Variants in C16orf74 observed in about 807,000 individuals in gnomAD.
The protein encoded by C16orf74 is calcimembrin, also known as uncharacterized protein C16orf74.
In C16orf74, 10 loss-of-function variants were observed where a neutral mutation model predicts 6.5. That is an observed-to-expected ratio of 1.54 (90% CI 0.95 to 2.61). C16orf74 has a LOEUF of 2.61. Among genes scored for constraint, C16orf74 ranks in the 30% most tolerant of loss-of-function variants. The pLI, the probability that C16orf74 is intolerant of heterozygous loss-of-function variation, is 0.00. For missense variants in C16orf74, 141 were observed against 105.9 expected, an observed-to-expected ratio of 1.33 and a Z score of -1.45; for synonymous variants, 60 against 42.5, an observed-to-expected ratio of 1.41 and a Z score of -1.60.
intron 1 of C16orf74, among the ~76,000 whole-genome samples, chr16:85,746,406 G>A (rs1047308271): frequency 2.6e-5 from 4 of 152,162 alleles, no homozygotes; most frequent in African/African-American, 7.2e-5. Context: ...TTATCCTTGT[G>A]TTTATCTGCT....
chr16:85,716,494 G>C (rs941430222), intron 2 of C16orf74, among the ~76,000 whole-genome samples: 4 of 139,972 alleles, frequency 2.9e-5, no homozygotes, highest in Non-Finnish European at 4.7e-5. Flanking sequence ...GGGGACGAAG[G>C]AGAGGAGGAA....
At chr16:85,739,075 C>T (rs1383052822) in intron 1 of C16orf74, among the ~76,000 whole-genome samples, 1 of 152,148 alleles carries the variant, frequency 6.6e-6, no homozygotes, top group Admixed American at 6.5e-5. Context: ...GCGGAGCAGA[C>T]CTCATCTCCA....
chr16:85,730,857 A>G (rs967397), intron 2 of C16orf74, among the ~76,000 whole-genome samples: 1 of 133,434 alleles, frequency 7.5e-6, no homozygotes, highest in African/African-American at 2.8e-5. Context: ...AATCCCCCAA[A>G]CCACAAACCT....
rs373696729 is a variant in C16orf74 at position 85,719,673 on chromosome 16, T to G, written c.29-9366A>C. On this transcript the variant is annotated intron_variant, in intron 2 of 3. Coordinates refer to ENST00000284245, the MANE Select transcript of C16orf74 (RefSeq NM_206967.3). ...CCACTCACAGTACCAAGAAGCAGGG[T>G]TTAGGGGAGACTGGGAATTGGAAAA... 5.3e-4 allele frequency among the ~76,000 whole-genome samples: 80 copies of G among 151,794 alleles called. No individual in the cohort carries two copies. The South Asian group carries it at 0.011, about 21-fold the overall frequency.
intron 2 of C16orf74, among the ~76,000 whole-genome samples, chr16:85,729,402 G>A (rs1212455242): frequency 1.3e-5 from 2 of 152,194 alleles, no homozygotes; most frequent in African/African-American, 4.8e-5. Flanking sequence ...CTTTGGACTC[G>A]GAAACAAAGG....
intron 1 of C16orf74, among the ~76,000 whole-genome samples, chr16:85,745,899 T>C (rs996511444): frequency 6.6e-6 from 1 of 152,160 alleles, no homozygotes; most frequent in Non-Finnish European, 1.5e-5. Flanking sequence ...ATCACAGAAG[T>C]TCAGCTCTAG....
chr16:85,739,154 C>T lies in C16orf74; in HGVS notation c.-18-3919G>A, dbSNP rs962290942. 3.9e-4 allele frequency among the ~76,000 whole-genome samples: 21 copies of T among 53,542 alleles called. No homozygotes were observed. The Admixed American group carries it at 4.7e-3, about 12-fold the overall frequency. The allele number at this position is 53,542 out of a possible 152,430, so 35.1% of individuals were successfully genotyped here. A position where few individuals can be genotyped will look rare whatever the true frequency, so the allele number is the denominator to read the frequency against. On this transcript the variant is annotated intron_variant, in intron 1 of 3. Coordinates refer to ENST00000284245, the MANE Select transcript of C16orf74 (RefSeq NM_206967.3). The stretch of plus-strand genomic sequence containing the variant: ...TTGCCAAGGGGTCCTGCAGCCCTGA[C>T]GTCAGGATCAACCACAATAAGCCAG...
At chr16:85,723,617 C>T (rs952920349) in intron 2 of C16orf74, among the ~76,000 whole-genome samples, 35 of 152,112 alleles carry the variant, frequency 2.3e-4, no homozygotes, top group Non-Finnish European at 4.6e-4. Context: ...GGGTACACAC[C>T]CTCCAACCAT....
intron 2 of C16orf74, among the ~76,000 whole-genome samples, chr16:85,734,341 C>A (rs1348621037): frequency 6.6e-6 from 1 of 152,174 alleles, no homozygotes; most frequent in Non-Finnish European, 1.5e-5. Flanking sequence ...CTCACAGAGG[C>A]ATTGGTGAGG....
chr16:85,716,577 G>A (rs527339837), intron 2 of C16orf74, among the ~76,000 whole-genome samples: 2 of 148,484 alleles, frequency 1.3e-5, no homozygotes, highest in South Asian at 4.4e-4. Flanking sequence ...GGAGAGGGAA[G>A]GAGGGAGAAA....
chr16:85,723,119 G>C (rs1173998615), intron 2 of C16orf74, among the ~76,000 whole-genome samples: 1 of 152,040 alleles, frequency 6.6e-6, no homozygotes, highest in African/African-American at 2.4e-5. Context: ...AATTAGCCAG[G>C]TGTGGTGGTG....
chr16:85,737,734 G>A (rs10863190), intron 1 of C16orf74, among the ~76,000 whole-genome samples: 1 of 151,860 alleles, frequency 6.6e-6, no homozygotes, highest in African/African-American at 2.4e-5. Flanking sequence ...ATGAGTCTTG[G>A]GCATGAGAAT....
At chr16:85,717,775 C>T (rs1477083649) in intron 2 of C16orf74, among the ~76,000 whole-genome samples, 4 of 152,212 alleles carry the variant, frequency 2.6e-5, no homozygotes, top group South Asian at 2.1e-4. Context: ...AGGGAGGTAA[C>T]GTGCTGGTAA....
intron 1 of C16orf74, among the ~76,000 whole-genome samples, chr16:85,749,428 G>C (rs1329775437): frequency 6.6e-6 from 1 of 152,010 alleles, no homozygotes; most frequent in Non-Finnish European, 1.5e-5. Flanking sequence ...TGGGACTACA[G>C]GTATGCACCA....
intron 1 of C16orf74, among the ~76,000 whole-genome samples, chr16:85,748,639 A>T (rs1282316736): frequency 1.3e-5 from 2 of 152,132 alleles, no homozygotes; most frequent in Admixed American, 1.3e-4. Context: ...TTATCTAAAG[A>T]CCTGGAATCC....
intron 3 of C16orf74, 21 bp downstream of exon 3, chr16:85,710,143 C>T (rs765802106): frequency 3.8e-5 from 53 of 1,403,556 alleles, no homozygotes; most frequent in Non-Finnish European, 4.2e-5. Flanking sequence ...CCCGGCTTGG[C>T]GGTGGAGGGG....
In C16orf74 at chr16:85,707,691, G is replaced by A; in HGVS notation, c.*317C>T. ...GCACAGCCCTGGGGGCTGGGAGGGT[G>A]TGTTTGTCCAGAAGAGAGCCTCTCC... On this transcript the variant is annotated 3_prime_UTR_variant, in exon 4 of 4. Coordinates refer to ENST00000284245, the MANE Select transcript of C16orf74 (RefSeq NM_206967.3). 1 of 376,344 alleles carries A rather than the reference G, an allele frequency of 2.7e-6. No individual in the cohort carries two copies. 23.3% of individuals were successfully genotyped at this position (376,344 alleles called of 1,614,324 possible).
chr16:85,707,881 G>T lies in C16orf74; in HGVS notation c.*127C>A, dbSNP rs1043145449. The T allele has an allele frequency of 4.1e-6, 3 of 724,738 alleles. No individual in the cohort carries two copies. Among genetic ancestry groups the T allele is most frequent in the Non-Finnish European group, 6.9e-6 (3 of 433,842 alleles). 44.9% of individuals were successfully genotyped at this position (724,738 alleles called of 1,614,324 possible). On this transcript the variant is annotated 3_prime_UTR_variant, in exon 4 of 4. Transcript: ENST00000284245. ...CTGGTCCTGCCACGTCTCTCTGAGC[G>T]GAGGCCCGGGTTCGCTCAGTTCCCA...
intron 2 of C16orf74, among the ~76,000 whole-genome samples, chr16:85,723,515 C>T (rs527264205): frequency 9.8e-4 from 149 of 152,236 alleles, no homozygotes; most frequent in Non-Finnish European, 1.7e-3. Flanking sequence ...AAGCTGTTAA[C>T]GCTATGGCCA....
Sources: gnomAD v4.1 joint callset for allele counts (sites outside exome capture counted in the v4.1 genomes callset) on GRCh38, gnomAD v4.1.1 for gene constraint, MANE v1.5 for transcripts, NCBI Gene and HGNC (gene_info 2026-07-23, HGNC 2026-07-21) for gene names.